ARFGEF3: variants seen among roughly 807,000 people sequenced by gnomAD.
ARFGEF3 encodes the protein brefeldin A-inhibited guanine nucleotide-exchange protein 3.
In ARFGEF3, 96 loss-of-function variants were observed where a neutral mutation model predicts 221.7. The ratio of observed to expected loss-of-function variants is 0.43; its 90% CI spans 0.37 to 0.51. ARFGEF3 has a LOEUF of 0.51. Among genes scored for constraint, ARFGEF3 ranks in the 20% least tolerant of loss-of-function variants. The pLI is 0.00. For synonymous variants in ARFGEF3, 1,145 were observed against 1,126.8 expected (o/e 1.02, Z -0.32); for missense variants, 2,410 against 2,789.9 (o/e 0.86, Z 3.07).
In ARFGEF3 at chr6:138,217,768, G is replaced by A. The variant is rs1362618392; in HGVS notation, c.351+7727G>A. 1.8e-5 allele frequency: 11 copies of A among 595,452 alleles called. No homozygotes were observed. In the East Asian group the frequency reaches 3.6e-4, roughly 20 times the overall value. 36.9% of individuals were successfully genotyped at this position (595,452 alleles called of 1,614,324 possible). A position where few individuals can be genotyped will look rare whatever the true frequency, so the allele number is the denominator to read the frequency against. On this transcript the variant is annotated intron_variant, in intron 4 of 33. Transcript: ENST00000251691. ...TAGGATAAATAACAAACTAAATTGA[G>A]ATAATAGATAATAATCTATGAGTTC...
intron 2 of ARFGEF3, among the ~76,000 whole-genome samples, chr6:138,203,372 A>C (rs1777570831): frequency 6.6e-6 from 1 of 152,208 alleles, no homozygotes; most frequent in Non-Finnish European, 1.5e-5. Flanking sequence ...CAAATTTAGA[A>C]TAAGGGCAAG....
At chr6:138,214,955 A>G (rs1389760276) in intron 4 of ARFGEF3, among the ~76,000 whole-genome samples, 1 of 152,254 alleles carries the variant, frequency 6.6e-6, no homozygotes, top group Non-Finnish European at 1.5e-5. Context: ...CAGCTTGAGC[A>G]AACAATAAAT....
chr6:138,261,705 C>A, intron 11 of ARFGEF3, 66 bp downstream of exon 11: 2 of 877,642 alleles, frequency 2.3e-6, no homozygotes, highest in Non-Finnish European at 3.3e-6. Context: ...ACCTTGCTTA[C>A]AAGTCCCTGA....
intron 4 of ARFGEF3, among the ~76,000 whole-genome samples, chr6:138,213,704 G>C (rs1777779782): frequency 6.6e-6 from 1 of 151,972 alleles, no homozygotes; most frequent in Admixed American, 6.6e-5. Flanking sequence ...GGGGTGATGG[G>C]GAGATGATAG....
intron 1 of ARFGEF3, among the ~76,000 whole-genome samples, chr6:138,165,219 C>T (rs951216110): frequency 6.6e-6 from 1 of 151,748 alleles, no homozygotes; most frequent in African/African-American, 2.4e-5. Context: ...GGGGTCATCC[C>T]CCACTTAGAC....
rs1214657539 is a variant in ARFGEF3 at position 138,342,894 on chromosome 6, C to G, written c.*6408C>G. 1 of 152,198 alleles carries G rather than the reference C, an allele frequency of 6.6e-6. No individual in the cohort carries two copies. The highest frequency in any genetic ancestry group is 1.5e-5 in the Non-Finnish European group (1 of 68,032). 9.4% of individuals were successfully genotyped at this position (152,198 alleles called of 1,614,324 possible). On this transcript the variant is annotated 3_prime_UTR_variant, in exon 34 of 34. Coordinates refer to ENST00000251691, the MANE Select transcript of ARFGEF3 (RefSeq NM_020340.5). ...TATCTGTAAAGAGTCTACCCAAAGG[C>G]TTCACGGAAATTTGCAAAATGAACT...
At chr6:138,214,267 C>T (rs1035870319) in intron 4 of ARFGEF3, among the ~76,000 whole-genome samples, 1 of 152,186 alleles carries the variant, frequency 6.6e-6, no homozygotes, top group Non-Finnish European at 1.5e-5. Context: ...GACTGGATTT[C>T]CATTACATCT....
At chr6:138,270,909 C>T (rs552097188) in intron 12 of ARFGEF3, among the ~76,000 whole-genome samples, 6 of 152,148 alleles carry the variant, frequency 3.9e-5, no homozygotes, top group African/African-American at 1.2e-4. Context: ...AGGCTGAAGT[C>T]GTGCAGGATA....
In ARFGEF3 at chr6:138,292,280, C is replaced by G. The variant is rs568019021; in HGVS notation, c.3368+227C>G. ...TAGGCCACCTGGGGTCAAAGCGCTGCGCTTACTCTGGGATCTCAGGCAACC... is the reference window on the plus strand; with the variant it reads ...TAGGCCACCTGGGGTCAAAGCGCTGGGCTTACTCTGGGATCTCAGGCAACC... On this transcript the variant is annotated intron_variant, in intron 19 of 33. Transcript: ENST00000251691. Among the ~76,000 whole-genome samples the G allele has an allele frequency of 6.6e-5, 10 of 152,324 alleles. No individual in the cohort carries two copies. In the South Asian group the frequency reaches 2.1e-3, roughly 32 times the overall value.
intron 12 of ARFGEF3, among the ~76,000 whole-genome samples, chr6:138,270,602 C>A (rs941778085): frequency 8.5e-5 from 13 of 152,194 alleles, no homozygotes; most frequent in Non-Finnish European, 1.8e-4. Context: ...GTATGATAAA[C>A]AGTAGTACTT....
rs558857761 is a variant in ARFGEF3, at chr6:138,263,949, A to G, written c.2128+338A>G. 1.1e-4 allele frequency among the ~76,000 whole-genome samples: 17 copies of G among 152,384 alleles called. No homozygotes were observed. In the South Asian group the frequency reaches 3.3e-3, roughly 30 times the overall value. On this transcript the variant is annotated intron_variant, in intron 12 of 33. Transcript: ENST00000251691. The stretch of plus-strand genomic sequence containing the variant: ...AACATTGAATTCCCAGTATGCTTCT[A>G]TGTCTTGGTGTCTAAAATTCATAGA...
At chr6:138,293,758 G>C (rs979504237) in intron 19 of ARFGEF3, among the ~76,000 whole-genome samples, 3 of 152,200 alleles carry the variant, frequency 2.0e-5, no homozygotes, top group Admixed American at 1.3e-4. Context: ...AGCGGAGCTA[G>C]ACCATGAGGG....
At chr6:138,260,277 A>G (rs548237800) in intron 10 of ARFGEF3, among the ~76,000 whole-genome samples, 37 of 152,374 alleles carry the variant, frequency 2.4e-4, no homozygotes, top group African/African-American at 8.4e-4. Context: ...GAAAGAGGAA[A>G]AGAGGAGAGC....
chr6:138,267,049 A>T (rs1394892482), intron 12 of ARFGEF3, among the ~76,000 whole-genome samples: 2 of 152,166 alleles, frequency 1.3e-5, no homozygotes, highest in Non-Finnish European at 2.9e-5. Flanking sequence ...CAGAGAGCCC[A>T]GCAAACATTG....
At chr6:138,222,296 A>C (rs1408713864) in intron 4 of ARFGEF3, among the ~76,000 whole-genome samples, 1 of 152,242 alleles carries the variant, frequency 6.6e-6, no homozygotes, top group Non-Finnish European at 1.5e-5. Context: ...GTTTTAAGAA[A>C]GTTTACGAAT....
intron 12 of ARFGEF3, 50 bp downstream of exon 12, chr6:138,263,661 T>A (rs771320281): frequency 3.4e-6 from 5 of 1,483,596 alleles, no homozygotes; most frequent in Non-Finnish European, 4.5e-6. Flanking sequence ...TTCAGAGCAG[T>A]TTGCCTTAAT....
At chr6:138,169,200 C>G (rs146366124) in intron 1 of ARFGEF3, among the ~76,000 whole-genome samples, 4 of 152,292 alleles carry the variant, frequency 2.6e-5, no homozygotes, top group African/African-American at 9.6e-5. Flanking sequence ...CTTCTTGATG[C>G]TTCCATGGTG....
chr6:138,332,736 A>T (rs1237382592), intron 32 of ARFGEF3, among the ~76,000 whole-genome samples: 1 of 152,260 alleles, frequency 6.6e-6, no homozygotes, highest in East Asian at 1.9e-4. Flanking sequence ...TGAATTGTGT[A>T]CATCAAAAAG....
rs774901630 is a variant in ARFGEF3, at chr6:138,285,917, G to A, written c.2462-29G>A. On this transcript the variant is annotated intron_variant, in intron 14 of 33. Coordinates refer to ENST00000251691, the MANE Select transcript of ARFGEF3 (RefSeq NM_020340.5). ...GTTTTTGACTGGAGTGTTTTATTTA[G>A]GGAAAACTTCTTTCTTTTTCCTTGA... 31 of 1,443,524 alleles carry A rather than the reference G, an allele frequency of 2.1e-5. No homozygotes were observed. In the Middle Eastern group the frequency reaches 3.5e-3, roughly 161 times the overall value. 89.4% of individuals were successfully genotyped at this position (1,443,524 alleles called of 1,614,324 possible).
Sources: allele counts gnomAD v4.1 joint callset (sites outside exome capture counted in the v4.1 genomes callset), GRCh38; gene constraint gnomAD v4.1.1; transcripts MANE v1.5; gene names NCBI Gene and HGNC (gene_info 2026-07-23, HGNC 2026-07-21).